Variants in CSMD1 observed in about 807,000 individuals in gnomAD.
The protein encoded by CSMD1 is CUB and sushi domain-containing protein 1.
In CSMD1, 213 loss-of-function variants were observed where a neutral mutation model predicts 417.5. The ratio of observed to expected loss-of-function variants is 0.51; its 90% confidence interval spans 0.46 to 0.57. The LOEUF (loss-of-function observed/expected upper bound fraction) is 0.57, where lower values mean the gene tolerates loss of function less well. CSMD1 is among the 20% of genes least tolerant of loss of function. The pLI is 0.00. For missense variants in CSMD1, 6,923 were observed against 4,529.7 expected, an observed-to-expected ratio of 1.53 and a Z score of -15.17; for synonymous variants, 2,862 against 1,736.8, an observed-to-expected ratio of 1.65 and a Z score of -16.11.
rs1201297961 is a variant in CSMD1, at chr8:4,637,344, C to T, written c.300G>A (p.Val100=). 2 of 1,609,226 alleles carry T rather than the reference C, an allele frequency of 1.2e-6. No homozygotes were observed. Among genetic ancestry groups the T allele is most frequent in the Admixed American group, 1.7e-5 (1 of 59,996 alleles). ...AATATAAAAAGTTGATACCTTACCT[C>T]ACTTTTAAATTCCCTTGTTGAGGCT... ...DGQPQQGNLK[V]RLSGFQLPSS... The change falls in exon 2 of 70, where the codon GTG becomes GTA. Residue 100 remains valine, a splice_region_variant and synonymous_variant. Coordinates refer to ENST00000635120, the MANE Select transcript of CSMD1 (RefSeq NM_033225.6).
At chr8:4,367,013 A>C (rs144529959) in intron 3 of CSMD1, among the ~76,000 whole-genome samples, 1 of 152,104 alleles carries the variant, frequency 6.6e-6, no homozygotes, top group African/African-American at 2.4e-5. Context: ...TACTCTGTTG[A>C]TAACTTCTTT....
intron 3 of CSMD1, among the ~76,000 whole-genome samples, chr8:4,221,709 T>C (rs1278103061): frequency 6.6e-6 from 1 of 152,170 alleles, no homozygotes; most frequent in Non-Finnish European, 1.5e-5. Flanking sequence ...ACTGGAGGCT[T>C]TCTCTCCAGA....
At chr8:3,395,983 A>T (rs1379890068) in intron 17 of CSMD1, among the ~76,000 whole-genome samples, 2 of 152,148 alleles carry the variant, frequency 1.3e-5, no homozygotes, top group Non-Finnish European at 2.9e-5. Flanking sequence ...TACGCGATGG[A>T]TACGTATTTT....
At chr8:4,185,915 T>C (rs964437190) in intron 3 of CSMD1, among the ~76,000 whole-genome samples, 1 of 152,118 alleles carries the variant, frequency 6.6e-6, no homozygotes, top group African/African-American at 2.4e-5. Flanking sequence ...TGTTATTACG[T>C]TGAGTTCATT....
At chr8:4,344,077 G>A (rs890565315) in intron 3 of CSMD1, among the ~76,000 whole-genome samples, 1 of 152,088 alleles carries the variant, frequency 6.6e-6, no homozygotes, top group Non-Finnish European at 1.5e-5. Flanking sequence ...ACATACTCTG[G>A]CTTAACACGG....
chr8:3,589,423 C>T (rs992835715), intron 8 of CSMD1, among the ~76,000 whole-genome samples: 1 of 151,560 alleles, frequency 6.6e-6, no homozygotes, highest in Non-Finnish European at 1.5e-5. Context: ...TGTGTGTACA[C>T]AATGGAATAC....
intron 8 of CSMD1, among the ~76,000 whole-genome samples, chr8:3,603,621 A>G (rs1422130114): frequency 6.6e-6 from 1 of 152,238 alleles, no homozygotes; most frequent in African/African-American, 2.4e-5. Flanking sequence ...TGGAATGGAA[A>G]CGGATTATGT....
At chr8:3,059,941 G>A (rs1013412618) in intron 49 of CSMD1, among the ~76,000 whole-genome samples, 6 of 152,114 alleles carry the variant, frequency 3.9e-5, no homozygotes, top group Non-Finnish European at 5.9e-5. Flanking sequence ...CAGTGGGATC[G>A]TGAGGCACAG....
At chr8:3,143,112 A>G (rs570485253) in intron 40 of CSMD1, among the ~76,000 whole-genome samples, 1 of 152,274 alleles carries the variant, frequency 6.6e-6, no homozygotes, top group African/African-American at 2.4e-5. Flanking sequence ...AAACAACAAC[A>G]ACAACAACAA....
chr8:3,285,012 C>G (rs1803041520), intron 25 of CSMD1, among the ~76,000 whole-genome samples: 1 of 152,138 alleles, frequency 6.6e-6, no homozygotes, highest in Admixed American at 6.5e-5. Flanking sequence ...TGCCTAAGGA[C>G]TCACATTCAG....
chr8:4,938,017 G>A lies in CSMD1; in HGVS notation c.85+56315C>T, dbSNP rs62488188. 3.8e-3 allele frequency among the ~76,000 whole-genome samples: 580 copies of A among 151,896 alleles called. 2 individuals are homozygous for A. The highest frequency in any genetic ancestry group is 6.5e-3 in the Non-Finnish European group (442 of 67,972). On this transcript the variant is annotated intron_variant, in intron 1 of 69. Transcript: ENST00000635120. Reference sequence around the variant, plus strand: ...ACTCATCCTCCCTCATGCAATCTTTGTACTCAAAAATAGTTAGAATAATAT... The same window carrying A: ...ACTCATCCTCCCTCATGCAATCTTTATACTCAAAAATAGTTAGAATAATAT...
intron 52 of CSMD1, among the ~76,000 whole-genome samples, chr8:3,004,922 T>A (rs1807746020): frequency 6.6e-6 from 1 of 152,120 alleles, no homozygotes; most frequent in African/African-American, 2.4e-5. Context: ...GTGGATCACC[T>A]GAGGTCAGGA....
At chr8:4,594,970 T>G (rs17070718) in intron 2 of CSMD1, among the ~76,000 whole-genome samples, 25,084 of 152,168 alleles carry the variant, frequency 0.16, 2,685 homozygotes, top group African/African-American at 0.31. Flanking sequence ...TCATACTTGA[T>G]GCCAAAGAAA....
At chr8:4,376,931 CG>C (rs922840894) in intron 3 of CSMD1, among the ~76,000 whole-genome samples, 3 of 152,010 alleles carry the variant, frequency 2.0e-5, no homozygotes, top group Admixed American at 6.6e-5. Context: ...TTTTATGGAA[CG>C]GGGGTAATGT....
At chr8:4,025,808 G>A (rs1406084957) in intron 4 of CSMD1, among the ~76,000 whole-genome samples, 2 of 152,086 alleles carry the variant, frequency 1.3e-5, no homozygotes, top group Non-Finnish European at 2.9e-5. Flanking sequence ...ACTGGCCTCT[G>A]ATTTAGTTCT....
chr8:4,367,881 C>G (rs949854835), intron 3 of CSMD1, among the ~76,000 whole-genome samples: 3 of 152,116 alleles, frequency 2.0e-5, no homozygotes, highest in African/African-American at 7.2e-5. Flanking sequence ...AGAAATGCTA[C>G]TAATTTTCGT....
At chr8:4,317,601 AGG>A (rs1236367289) in intron 3 of CSMD1, among the ~76,000 whole-genome samples, 4 of 34,974 alleles carry the variant, frequency 1.1e-4, no homozygotes, top group Non-Finnish European at 2.3e-4. Context: ...GAGAGGAGAG[AGG>A]GGAGAGAGAG....
chr8:4,617,527 T>C lies in CSMD1; in HGVS notation c.302+19815A>G, dbSNP rs80090344. 4.6e-3 allele frequency among the ~76,000 whole-genome samples: 702 copies of C among 152,292 alleles called. 2 individuals are homozygous for C. Among genetic ancestry groups the C allele is most frequent in the African/African-American group, 0.016 (680 of 41,566 alleles). On this transcript the variant is annotated intron_variant, in intron 2 of 69. Coordinates refer to ENST00000635120, the MANE Select transcript of CSMD1 (RefSeq NM_033225.6). Reference sequence around the variant, plus strand: ...CAACTAGACAATGCTATGAGGTTTCTGTCTGGATTTGGCTTCTGATTCCAT... The same window carrying C: ...CAACTAGACAATGCTATGAGGTTTCCGTCTGGATTTGGCTTCTGATTCCAT...
intron 6 of CSMD1, among the ~76,000 whole-genome samples, chr8:3,715,639 T>C (rs1801788191): frequency 6.6e-6 from 1 of 151,944 alleles, no homozygotes; most frequent in African/African-American, 2.4e-5. Context: ...ACCTCCCGGG[T>C]TCAAGTGATT....
Sources: allele counts gnomAD v4.1 joint callset (sites outside exome capture counted in the v4.1 genomes callset), GRCh38; gene constraint gnomAD v4.1.1; transcripts MANE v1.5; gene names NCBI Gene and HGNC (gene_info 2026-07-23, HGNC 2026-07-21).